The following CERS3 variants were observed in gnomAD, a reference collection of about 807,000 sequenced individuals.
CERS3 encodes LAG1 homolog, ceramide synthase 3.
In CERS3, 33 loss-of-function variants were observed where a neutral mutation model predicts 50.3. That is an observed-to-expected ratio of 0.66 (90% CI 0.50 to 0.88). The LOEUF (loss-of-function observed/expected upper bound fraction) is 0.88, where lower values mean the gene tolerates loss of function less well. CERS3 is among the 40% of genes least tolerant of loss of function. CERS3 has a pLI of 0.00. For synonymous variants in CERS3, 176 were observed against 155.2 expected, an observed-to-expected ratio of 1.13 and a Z score of -0.99; for missense variants, 470 against 460.3, an observed-to-expected ratio of 1.02 and a Z score of -0.19.
intron 5 of CERS3, among the ~76,000 whole-genome samples, chr15:100,484,220 C>T (rs1256822212): frequency 6.6e-6 from 1 of 151,580 alleles, no homozygotes; most frequent in Non-Finnish European, 1.5e-5. Flanking sequence ...AAGAGAAACA[C>T]CAGTTAAGAC....
chr15:100,444,513 C>T (rs1187687547), intron 11 of CERS3, among the ~76,000 whole-genome samples: 2 of 152,222 alleles, frequency 1.3e-5, no homozygotes, highest in Non-Finnish European at 2.9e-5. Flanking sequence ...GCGTAATCGC[C>T]ACACACCAGC....
At chr15:100,506,345 T>A (rs2036178192) in intron 2 of CERS3, among the ~76,000 whole-genome samples, 1 of 152,130 alleles carries the variant, frequency 6.6e-6, no homozygotes, top group Non-Finnish European at 1.5e-5. Context: ...CATGAAAAGA[T>A]GCTCTGCCTC....
chr15:100,433,226 ACT>A (rs1237634881), intron 11 of CERS3, among the ~76,000 whole-genome samples: 2 of 143,182 alleles, frequency 1.4e-5, no homozygotes, highest in Non-Finnish European at 3.0e-5. Context: ...ATAGAGCAAG[ACT>A]CTGTCTCAAA....
At chr15:100,452,748 C>T (rs1385165784) in intron 11 of CERS3, among the ~76,000 whole-genome samples, 1 of 151,782 alleles carries the variant, frequency 6.6e-6, no homozygotes, top group African/African-American at 2.4e-5. Context: ...AAATAGATTG[C>T]TAGCTAGACT....
rs185107717 is a variant in CERS3, at chr15:100,459,850, A to C, written c.846-3804T>G. Among the ~76,000 whole-genome samples, 12 of 152,260 alleles carry C rather than the reference A, an allele frequency of 7.9e-5. No individual in the cohort carries two copies. In the East Asian group the frequency reaches 2.3e-3, roughly 29 times the overall value. On this transcript the variant is annotated intron_variant, in intron 10 of 11. Coordinates refer to ENST00000679737, the MANE Select transcript of CERS3 (RefSeq NM_001378789.1). ...TCATATTTTTATTTAATGTATAGTG[A>C]CTATATATATTTATACATCTATTTA... is the stretch of plus-strand genomic sequence containing the variant.
At chr15:100,454,456 G>A (rs2034292041) in intron 11 of CERS3, among the ~76,000 whole-genome samples, 1 of 151,244 alleles carries the variant, frequency 6.6e-6, no homozygotes, top group Admixed American at 6.6e-5. Context: ...TTGGGGGAAA[G>A]GACATCCTCT....
rs2030530457 is a variant in CERS3 at position 100,401,493 on chromosome 15, G to A, written c.*1220C>T. Reference sequence around the variant, plus strand: ...CCGTCCCTATCCCTCCTCCCAGGGAGCTGGCACTGACTCTAGCACCTGCCC... The same window carrying A: ...CCGTCCCTATCCCTCCTCCCAGGGAACTGGCACTGACTCTAGCACCTGCCC... On this transcript the variant is annotated 3_prime_UTR_variant, in exon 12 of 12. Coordinates refer to ENST00000679737, the MANE Select transcript of CERS3 (RefSeq NM_001378789.1). The A allele has an allele frequency of 6.6e-6, 1 of 152,404 alleles. No homozygotes were observed. The highest frequency in any genetic ancestry group is 1.5e-5 in the Non-Finnish European group (1 of 68,170). The allele number at this position is 152,404 out of a possible 1,614,324, so 9.4% of individuals were successfully genotyped here.
intron 2 of CERS3, among the ~76,000 whole-genome samples, chr15:100,507,827 G>C (rs112748463): frequency 6.6e-6 from 1 of 152,230 alleles, no homozygotes; most frequent in African/African-American, 2.4e-5. Context: ...GCATCCTGCC[G>C]AGGCAGCGGC....
intron 11 of CERS3, among the ~76,000 whole-genome samples, chr15:100,404,607 A>C (rs572382232): frequency 1.3e-5 from 2 of 152,244 alleles, no homozygotes; most frequent in South Asian, 4.1e-4. Context: ...AATTTTCTGT[A>C]GATGCAGACA....
chr15:100,479,487 AG>A lies in CERS3; in HGVS notation c.466-10del, dbSNP rs777597437. ...TCATATAGCCAAGGTTTCTGAAAGA[AG>A]AAAAAAAAAAAGAGCCAACAGATGA... On this transcript the variant is annotated splice_polypyrimidine_tract_variant and intron_variant, in intron 6 of 11. Transcript: ENST00000679737. 2 of 1,586,192 alleles carry A rather than the reference AG, an allele frequency of 1.3e-6. No homozygotes were observed. The highest frequency in any genetic ancestry group is 1.7e-6 in the Non-Finnish European group (2 of 1,170,458).
intron 11 of CERS3, among the ~76,000 whole-genome samples, chr15:100,434,156 G>T (rs2033278807): frequency 6.6e-6 from 1 of 152,224 alleles, no homozygotes. Flanking sequence ...AGACGTCCTA[G>T]AAGTATGTCA....
At chr15:100,542,369 T>C (rs891441550) in intron 1 of CERS3, among the ~76,000 whole-genome samples, 2 of 152,204 alleles carry the variant, frequency 1.3e-5, no homozygotes, top group Non-Finnish European at 2.9e-5. Flanking sequence ...ACAGTAGAAG[T>C]AATGTATAAA....
At chr15:100,459,986 A>C (rs1393032466) in intron 10 of CERS3, among the ~76,000 whole-genome samples, 2 of 152,046 alleles carry the variant, frequency 1.3e-5, no homozygotes, top group Non-Finnish European at 2.9e-5. Context: ...GTTGATTCTT[A>C]AATGCTCTTT....
At chr15:100,424,743 T>C (rs1010483113) in intron 11 of CERS3, among the ~76,000 whole-genome samples, 8 of 152,218 alleles carry the variant, frequency 5.3e-5, no homozygotes, top group African/African-American at 1.9e-4. Flanking sequence ...AACTGGAATT[T>C]ATATTTAGAA....
At chr15:100,502,766 G>A (rs1300271535) in intron 2 of CERS3, among the ~76,000 whole-genome samples, 1 of 152,160 alleles carries the variant, frequency 6.6e-6, no homozygotes, top group African/African-American at 2.4e-5. Flanking sequence ...CGTAAGCAAG[G>A]CAGGCCTGAA....
At chr15:100,421,580 CTACTT>C (rs2032430105) in intron 11 of CERS3, among the ~76,000 whole-genome samples, 1 of 149,162 alleles carries the variant, frequency 6.7e-6, no homozygotes, top group African/African-American at 2.5e-5. Flanking sequence ...TTGGAAAAAA[CTACTT>C]TAAAGTTCAT....
At position 100,522,430 on chromosome 15, in the gene CERS3, T is replaced by C. The variant is rs529388519; in HGVS notation, c.-91-674A>G. On this transcript the variant is annotated intron_variant, in intron 1 of 11. Transcript: ENST00000679737. ...GTAATATAATTATTGAAGTATAACA[T>C]ACAGATGGTAAAGAAACAAAGCACA... 3.7e-4 allele frequency among the ~76,000 whole-genome samples: 57 copies of C among 152,222 alleles called. 1 individual carries two copies. Among genetic ancestry groups the C allele is most frequent in the Non-Finnish European group, 7.9e-4 (54 of 68,044 alleles).
intron 4 of CERS3, among the ~76,000 whole-genome samples, chr15:100,490,051 T>C (rs1308483412): frequency 1.3e-5 from 2 of 152,232 alleles, no homozygotes; most frequent in Non-Finnish European, 2.9e-5. Flanking sequence ...TTTTTAAAAT[T>C]ACTGGGGATA....
At chr15:100,455,542 G>A (rs375424569) in intron 11 of CERS3, among the ~76,000 whole-genome samples, 8 of 152,134 alleles carry the variant, frequency 5.3e-5, no homozygotes, top group South Asian at 4.1e-4. Context: ...TTCTATGCAC[G>A]TACAAAATAT....
Sources: allele counts gnomAD v4.1 joint callset (sites outside exome capture counted in the v4.1 genomes callset), GRCh38; gene constraint gnomAD v4.1.1; transcripts MANE v1.5; gene names NCBI Gene and HGNC (gene_info 2026-07-23, HGNC 2026-07-21).